MUC6: variants seen among roughly 807,000 people sequenced by gnomAD.
The protein encoded by MUC6 is mucin 6, oligomeric mucus/gel-forming (gene/pseudogene), also known as mucin-6.
In MUC6, 188 loss-of-function variants were observed where a neutral mutation model predicts 201.5. That is an observed-to-expected ratio of 0.93 (90% CI 0.83 to 1.05). The LOEUF is 1.05. MUC6 is among the 50% of genes least tolerant of loss of function. MUC6 has a pLI of 0.00. For synonymous variants in MUC6, 1,228 were observed against 1,389.4 expected (o/e 0.88, Z 2.58); for missense variants, 2,706 against 3,256.9 (o/e 0.83, Z 4.12).
chr11:1,028,721 C>T lies in MUC6; in HGVS notation c.1516G>A (p.Glu506Lys). Reference sequence around the variant, plus strand: ...ATGGGGCGCAGCTGGACCACGAGCTCCAGCCCGAAGCTGGTGGCCATCTGG... The same window carrying T: ...ATGGGGCGCAGCTGGACCACGAGCTTCAGCCCGAAGCTGGTGGCCATCTGG... ...HLQMATSFGL[E>K]LVVQLRPIFQ... is the part of the protein sequence containing the mutation. The change falls in exon 13 of 33, where the codon GAG (glutamate) becomes AAG (lysine). Residue 506 changes from glutamate (E) to lysine (K), a missense_variant. Around this residue, in one of 10 missense-constraint regions of MUC6, gnomAD observed 1,850 missense variants for 1,958.3 expected, o/e 0.94. Coordinates refer to ENST00000421673, the MANE Select transcript of MUC6 (RefSeq NM_005961.3). 6.2e-7 allele frequency: 1 copy of T among 1,612,340 alleles called. No homozygotes were observed. Among genetic ancestry groups the T allele is most frequent in the Admixed American group, 1.7e-5 (1 of 59,918 alleles).
In MUC6 at chr11:1,016,049, G is replaced by T. The variant is rs199716176; in HGVS notation, c.6752C>A (p.Thr2251Lys). ...GTGGGTGCTGGCCGTGGTCCTGGGC[G>T]TGGACGGAAATGCAATGGTGCTGGA... is the stretch of plus-strand genomic sequence containing the variant. Reference protein sequence around the residue: ...LASSTIAFPSTPRTTASTHTA... With the variant: ...LASSTIAFPSKPRTTASTHTA... The change falls in exon 31 of 33, where the codon ACG (threonine) becomes AAG (lysine). Residue 2251 changes from threonine (T) to lysine (K), a missense_variant. By Grantham distance (78) the Thr-to-Lys change is moderately conservative. This residue lies in a region of MUC6 where 586 missense variants were observed against 488.0 expected (regional missense o/e 1.20). Coordinates refer to ENST00000421673, the MANE Select transcript of MUC6 (RefSeq NM_005961.3). 1.9e-6 allele frequency: 3 copies of T among 1,612,050 alleles called. No homozygotes were observed. The highest frequency in any genetic ancestry group is 2.2e-5 in the South Asian group (2 of 90,952).
At chr11:1,020,608 C>G in intron 28 of MUC6, 76 bp downstream of exon 28, 1 of 1,590,884 alleles carries the variant, frequency 6.3e-7, no homozygotes. Context: ...TCCCACCCGA[C>G]AGATTTGTCC....
At chr11:1,031,360 C>T (rs1032855698) in intron 4 of MUC6, 101 bp from the exon 5 acceptor site, 2 of 1,227,846 alleles carry the variant, frequency 1.6e-6, no homozygotes, top group Admixed American at 2.7e-5. Context: ...CCCCCACCAT[C>T]CCCCCACCTG....
At chr11:1,026,562 G>T (rs971727619) in intron 19 of MUC6, 84 bp from the exon 20 acceptor site, 5 of 1,389,698 alleles carry the variant, frequency 3.6e-6, no homozygotes, top group Non-Finnish European at 2.8e-6. Flanking sequence ...AGACTGCCCG[G>T]CGTGTCTCCC....
chr11:1,026,594 C>T, intron 19 of MUC6, 116 bp from the exon 20 acceptor site: 1 of 1,253,488 alleles, frequency 8.0e-7, no homozygotes, highest in South Asian at 1.6e-5. Flanking sequence ...CTGAATACAG[C>T]CCTGCTCTGT....
chr11:1,020,349 C>A lies in MUC6; in HGVS notation c.3641-92G>T, dbSNP rs1262195002. 41 of 1,464,774 alleles carry A rather than the reference C, an allele frequency of 2.8e-5. No homozygotes were observed. In the East Asian group the frequency reaches 8.7e-4, roughly 31 times the overall value. The allele number at this position is 1,464,774 out of a possible 1,614,324, so 90.7% of individuals were successfully genotyped here. On this transcript the variant is annotated intron_variant, in intron 28 of 32. Transcript: ENST00000421673. ...CTGCCTGCTTGGCCCTGAAGCCGGG[C>A]AGCCCTGCAGGGGCCAATGATGTGC...
intron 27 of MUC6, 95 bp from the exon 28 acceptor site, chr11:1,020,829 A>T: frequency 6.8e-7 from 1 of 1,473,702 alleles, no homozygotes; most frequent in Non-Finnish European, 9.3e-7. Context: ...AGAGATGCTC[A>T]CCAAGGCTGT....
chr11:1,019,634 T>C, intron 29 of MUC6, 138 bp from the exon 30 acceptor site: 1 of 785,832 alleles, frequency 1.3e-6, no homozygotes, highest in Non-Finnish European at 2.1e-6. Flanking sequence ...GCTCTTCCTC[T>C]TGCCTTTGTT....
intron 26 of MUC6, among the ~76,000 whole-genome samples, chr11:1,022,095 TCCCTCTG>T (rs1334836625): frequency 1.8e-5 from 2 of 111,310 alleles, no homozygotes; most frequent in African/African-American, 7.9e-5. Context: ...TCTCACTCGC[TCCCTCTG>T]CCCTCTGCAG....
chr11:1,027,557 G>C (rs1229564619), intron 16 of MUC6, 40 bp from the exon 17 acceptor site: 1 of 1,605,942 alleles, frequency 6.2e-7, no homozygotes, highest in African/African-American at 1.3e-5. Flanking sequence ...GGGAGGGGGC[G>C]GCCGGGAGGG....
chr11:1,023,360 G>T, intron 26 of MUC6, 149 bp downstream of exon 26: 2 of 1,023,812 alleles, frequency 2.0e-6, no homozygotes, highest in East Asian at 2.6e-5. Context: ...GTGAGTGTGT[G>T]TGAATGAATG....
Position 1,021,230 on chromosome 11 carries a change from C to A in MUC6, c.3574G>T (p.Val1192Leu). The change falls in exon 27 of 33, where the codon GTG becomes TTG. Residue 1192 changes from valine to leucine, a missense_variant. Val to Leu is a conservative substitution (Grantham distance 32). Transcript: ENST00000421673. ...CTGGACTTACTGCAGGGCACGCACACCCCCTCCTCGTGGTCGAAGTACTCA... is the reference window on the plus strand; with the variant it reads ...CTGGACTTACTGCAGGGCACGCACAACCCCTCCTCGTGGTCGAAGTACTCA... Reference protein sequence around the residue: ...QDEYFDHEEGVCVPCMPPTTP... With the variant: ...QDEYFDHEEGLCVPCMPPTTP... 1 of 1,591,080 alleles carries A rather than the reference C, an allele frequency of 6.3e-7. No homozygotes were observed. Among genetic ancestry groups the A allele is most frequent in the Middle Eastern group, 1.7e-4 (1 of 5,976 alleles).
intron 6 of MUC6, 23 bp downstream of exon 6, chr11:1,030,924 C>T (rs570050595): frequency 6.4e-7 from 1 of 1,551,954 alleles, no homozygotes; most frequent in East Asian, 2.4e-5. Context: ...GGGGTCAGCC[C>T]CACCTGGAGC....
chr11:1,022,162 G>C (rs1360636695), intron 26 of MUC6, among the ~76,000 whole-genome samples: 3 of 116,164 alleles, frequency 2.6e-5, no homozygotes, highest in Non-Finnish European at 3.4e-5. Flanking sequence ...CCCCTCACTC[G>C]CTCCCTCTGC....
At chr11:1,030,366 T>TACCCCCCCCCCCCC in intron 7 of MUC6, 31 bp from the exon 8 acceptor site, 1 of 1,489,596 alleles carries the variant, frequency 6.7e-7, no homozygotes, top group East Asian at 2.5e-5. Context: ...GGTGAGAGGG[T>TACCCCCCCCCCCCC]CCCACCCCCC....
chr11:1,027,841 GCT>G (rs779495584), intron 15 of MUC6, 24 bp from the exon 16 acceptor site: 1 of 1,605,598 alleles, frequency 6.2e-7, no homozygotes, highest in Non-Finnish European at 8.5e-7. Context: ...GCCAGCATGG[GCT>G]GGTGGCAGGC....
chr11:1,020,541 T>G, intron 28 of MUC6, 143 bp downstream of exon 28: 1 of 1,296,206 alleles, frequency 7.7e-7, no homozygotes, highest in Non-Finnish European at 1.1e-6. Context: ...CCTCCCCAAC[T>G]CTGATTGCCA....
intron 25 of MUC6, 109 bp downstream of exon 25, chr11:1,023,838 G>T: frequency 6.8e-7 from 1 of 1,471,936 alleles, no homozygotes; most frequent in Non-Finnish European, 9.1e-7. Context: ...GGCACAGCCC[G>T]GCGCCTGTCC....
chr11:1,030,978 A>T lies in MUC6; in HGVS notation c.653T>A (p.Ile218Asn). ...DPGEICTFQDIPSTHVRQAQH... is the reference protein window; with the variant it reads ...DPGEICTFQDNPSTHVRQAQH... The stretch of plus-strand genomic sequence containing the variant: ...GGCCTGCCGGACGTGGGTGCTGGGG[A>T]TGTCCTGGAAGGTGCAGATCTCGCC... Residue 218 changes from isoleucine (I) to asparagine (N), a missense_variant, in exon 6 of 33, where the codon ATC becomes AAC. Around this residue, in one of 10 missense-constraint regions of MUC6, gnomAD observed 1,850 missense variants for 1,958.3 expected, o/e 0.94. Transcript: ENST00000421673. 6.3e-7 allele frequency: 1 copy of T among 1,584,606 alleles called. No individual in the cohort carries two copies. Among genetic ancestry groups the T allele is most frequent in the African/African-American group, 1.3e-5 (1 of 74,306 alleles).
Sources: gnomAD v4.1 joint callset for allele counts (sites outside exome capture counted in the v4.1 genomes callset) on GRCh38, gnomAD v4.1.1 for gene constraint, gnomAD v4.1.1 regional missense constraint, MANE v1.5 for transcripts, NCBI Gene and HGNC (gene_info 2026-07-23, HGNC 2026-07-21) for gene names.